The following ZNF540 variants were observed in gnomAD, a reference collection of about 807,000 sequenced individuals.
ZNF540 encodes zinc finger protein 540.
Under a neutral mutation model 11.8 loss-of-function variants are expected in ZNF540, and 3 were observed. The observed-to-expected ratio is 0.25, with a 90% CI of 0.12 to 0.65. ZNF540 has a LOEUF of 0.65. Ranked by LOEUF, ZNF540 falls within the 30% of genes least tolerant of loss-of-function variation. ZNF540 has a pLI of 0.83. For missense variants in ZNF540, 709 were observed against 793.1 expected (o/e 0.89, Z 1.27); for synonymous variants, 247 against 259.0 (o/e 0.95, Z 0.45).
chr19:37,568,923 C>T (rs553796908), intron 1 of ZNF540, among the ~76,000 whole-genome samples: 1 of 152,058 alleles, frequency 6.6e-6, no homozygotes, highest in Admixed American at 6.5e-5. Flanking sequence ...GTTACCTTAT[C>T]ACCAACACCA....
chr19:37,592,577 A>G (rs2043899094), upstream of ZNF540, among the ~76,000 whole-genome samples: 1 of 152,218 alleles, frequency 6.6e-6, no homozygotes, highest in Non-Finnish European at 1.5e-5. Flanking sequence ...GGTGAAAAAA[A>G]GGAAAGGATT....
At chr19:37,610,903 T>G (rs2044122791) in intron 4 of ZNF540, 1 of 152,230 alleles carries the variant, frequency 6.6e-6, no homozygotes, top group African/African-American at 2.4e-5. Flanking sequence ...TCACTTGACT[T>G]GTGTGTAACT....
intron 1 of ZNF540, among the ~76,000 whole-genome samples, chr19:37,588,153 T>C (rs1414102797): frequency 1.1e-5 from 1 of 88,710 alleles, no homozygotes; most frequent in African/African-American, 4.2e-5. Context: ...ATAATATATA[T>C]AAAATGATAT....
At chr19:37,567,146 T>C (rs1459809913) in intron 1 of ZNF540, among the ~76,000 whole-genome samples, 1 of 152,194 alleles carries the variant, frequency 6.6e-6, no homozygotes, top group Non-Finnish European at 1.5e-5. Flanking sequence ...ATCCAACACA[T>C]AATTGTACCT....
chr19:37,610,674 C>A (rs907045236), intron 4 of ZNF540, among the ~76,000 whole-genome samples: 7 of 152,094 alleles, frequency 4.6e-5, no homozygotes, highest in Non-Finnish European at 1.5e-5. Context: ...AGAAGCAAGT[C>A]ATAATAAGAG....
Position 37,612,474 on chromosome 19 carries a change from T to G in ZNF540, c.1194T>G (p.Leu398=). The part of the protein sequence containing the change: ...CGKSFNVRGQ[L]NRHKTIHTGI... ...AATCATTTAATGTGCGTGGACAGCT[T>G]AATCGGCATAAAACAATCCATACTG... The change falls in exon 5 of 5, where the codon CTT becomes CTG. Residue 398 remains leucine (L), a synonymous_variant. Coordinates refer to ENST00000316433, the MANE Select transcript of ZNF540 (RefSeq NM_001172225.3). 1 of 1,614,186 alleles carries G rather than the reference T, an allele frequency of 6.2e-7. No individual in the cohort carries two copies. The highest frequency in any genetic ancestry group is 8.5e-7 in the Non-Finnish European group (1 of 1,180,024).
intron 4 of ZNF540, among the ~76,000 whole-genome samples, chr19:37,610,593 T>C (rs966151708): frequency 7.9e-5 from 12 of 152,140 alleles, no homozygotes; most frequent in Non-Finnish European, 1.8e-4. Context: ...CAGATTATTT[T>C]TAGGAGATGA....
At chr19:37,596,582 C>G (rs1005016653) in intron 1 of ZNF540, among the ~76,000 whole-genome samples, 15 of 152,064 alleles carry the variant, frequency 9.9e-5, no homozygotes, top group Non-Finnish European at 2.9e-5. Flanking sequence ...TTGTATCTAG[C>G]TTTTTCCATT....
At position 37,612,683 on chromosome 19, in the gene ZNF540, A is replaced by C; in HGVS notation, c.1403A>C (p.Glu468Ala). Residue 468 changes from glutamate (E) to alanine (A), a missense_variant, in exon 5 of 5, where the codon GAA (glutamate) becomes GCA (alanine). By Grantham distance (107) the Glu-to-Ala change is moderately radical (BLOSUM62 -1). Coordinates refer to ENST00000316433, the MANE Select transcript of ZNF540 (RefSeq NM_001172225.3). ...CTTCATACTGGTGTGAAGCCCTACGAATGTAAGGAATGTGGGAAGACCTTT... is the reference window on the plus strand; with the variant it reads ...CTTCATACTGGTGTGAAGCCCTACGCATGTAAGGAATGTGGGAAGACCTTT... ...QRLHTGVKPY[E>A]CKECGKTFRV... 6.2e-7 allele frequency: 1 copy of C among 1,614,164 alleles called. No homozygotes were observed. The highest frequency in any genetic ancestry group is 1.3e-5 in the African/African-American group (1 of 75,040).
At chr19:37,597,252 G>GC (rs947390493) in intron 1 of ZNF540, among the ~76,000 whole-genome samples, 3 of 152,006 alleles carry the variant, frequency 2.0e-5, no homozygotes, top group African/African-American at 7.3e-5. Context: ...ATGATGTCCT[G>GC]CAGGGACCCT....
chr19:37,572,187 G>A (rs1288567801), intron 1 of ZNF540, among the ~76,000 whole-genome samples: 1 of 147,366 alleles, frequency 6.8e-6, no homozygotes, highest in East Asian at 2.0e-4. Context: ...CCCATACACT[G>A]TAAACATAGT....
intron 1 of ZNF540, among the ~76,000 whole-genome samples, chr19:37,581,450 ATTTCTTTC>A (rs767046208): frequency 6.2e-5 from 9 of 144,330 alleles, no homozygotes; most frequent in Non-Finnish European, 1.1e-4. Context: ...TTTTATCTCC[ATTTCTTTC>A]TTTCTTTCTT....
chr19:37,611,988 T>C lies in ZNF540; in HGVS notation c.708T>C (p.Phe236=). ...ATCAACTTACTCTGCATCAGAGATT[T>C]CATACTGGTGAGAAACCCTATGAAT... ...HSYQLTLHQR[F]HTGEKPYECQ... is the part of the protein sequence containing the mutation. The change falls in exon 5 of 5, where the codon TTT becomes TTC. Residue 236 remains phenylalanine (F), a synonymous_variant. Coordinates refer to ENST00000316433, the MANE Select transcript of ZNF540 (RefSeq NM_001172225.3). The C allele has an allele frequency of 6.2e-7, 1 of 1,613,760 alleles. No homozygotes were observed. Among genetic ancestry groups the C allele is most frequent in the Non-Finnish European group, 8.5e-7 (1 of 1,179,976 alleles).
intron 1 of ZNF540, among the ~76,000 whole-genome samples, chr19:37,572,012 C>A (rs2385121): frequency 1.6e-4 from 2 of 12,232 alleles, no homozygotes; most frequent in African/African-American, 7.6e-4. Flanking sequence ...GACTATATGG[C>A]CATAATTAGT....
chr19:37,588,087 G>A (rs758069737), intron 1 of ZNF540, among the ~76,000 whole-genome samples: 47 of 99,140 alleles, frequency 4.7e-4, no homozygotes, highest in East Asian at 3.3e-3. Context: ...GTGACAGAGC[G>A]AGACTCCATC....
intron 3 of ZNF540, 130 bp downstream of exon 3, chr19:37,599,882 C>T (rs991973185): frequency 9.6e-7 from 1 of 1,040,292 alleles, no homozygotes; most frequent in Admixed American, 2.8e-5. Flanking sequence ...ATGGACTGAA[C>T]TTTGATGGTT....
intron 4 of ZNF540, among the ~76,000 whole-genome samples, chr19:37,608,972 T>C (rs192997966): frequency 1.6e-4 from 24 of 152,108 alleles, no homozygotes; most frequent in Non-Finnish European, 3.1e-4. Flanking sequence ...TCTTTTCTTA[T>C]TTAGATTGCC....
chr19:37,559,416 A>G (rs1246818370), intron 1 of ZNF540, among the ~76,000 whole-genome samples: 1 of 152,234 alleles, frequency 6.6e-6, no homozygotes, highest in Non-Finnish European at 1.5e-5. Flanking sequence ...TATTTATTGC[A>G]CTAGTTTGCA....
intron 1 of ZNF540, among the ~76,000 whole-genome samples, chr19:37,571,020 G>A (rs2043030646): frequency 6.6e-6 from 1 of 152,026 alleles, no homozygotes; most frequent in Non-Finnish European, 1.5e-5. Flanking sequence ...TCACTATGAG[G>A]AATAATTATA....
Sources: allele counts gnomAD v4.1 joint callset (sites outside exome capture counted in the v4.1 genomes callset), GRCh38; gene constraint gnomAD v4.1.1; transcripts MANE v1.5; gene names NCBI Gene and HGNC (gene_info 2026-07-23, HGNC 2026-07-21).